The following ZNF280D variants were observed in gnomAD, a reference collection of about 807,000 sequenced individuals.
ZNF280D encodes the protein suppressor of hairy wing homolog 4.
In ZNF280D, 39 loss-of-function variants were observed where a neutral mutation model predicts 94.7. The ratio of observed to expected loss-of-function variants is 0.41; its 90% CI spans 0.32 to 0.54. The LOEUF (loss-of-function observed/expected upper bound fraction) is 0.54. Ranked by LOEUF, ZNF280D falls within the 20% of genes least tolerant of loss-of-function variation. ZNF280D has a pLI of 0.22. For missense variants in ZNF280D, 1,090 were observed against 1,149.3 expected (o/e 0.95, Z 0.75); for synonymous variants, 398 against 377.6 (o/e 1.05, Z -0.63).
At chr15:56,653,964 T>C in intron 19 of ZNF280D, 1 of 1,391,360 alleles carries the variant, frequency 7.2e-7, no homozygotes, top group East Asian at 2.7e-5. Context: ...GCTGCTCAAC[T>C]GCCTTTGTGT....
chr15:56,652,296 T>C (rs144349981), intron 19 of ZNF280D, among the ~76,000 whole-genome samples: 169 of 152,278 alleles, frequency 1.1e-3, no homozygotes, highest in African/African-American at 3.8e-3. Context: ...ATTTTGCTAG[T>C]CTTTAAAATT....
At chr15:56,719,330 T>TA (rs1242302063) in intron 1 of ZNF280D, among the ~76,000 whole-genome samples, 25 of 127,602 alleles carry the variant, frequency 2.0e-4, no homozygotes, top group African/African-American at 4.9e-4. Flanking sequence ...AATGGTTGTT[T>TA]AAAAAAAAAA....
chr15:56,666,925 C>T lies in ZNF280D; in HGVS notation c.1607G>A (p.Ser536Asn). The T allele has an allele frequency of 6.2e-7, 1 of 1,613,158 alleles. No homozygotes were observed. The highest frequency in any genetic ancestry group is 8.5e-7 in the Non-Finnish European group (1 of 1,179,540). Residue 536 changes from serine (S) to asparagine (N), a missense_variant, in exon 15 of 22, where the codon AGT becomes AAT. Transcript: ENST00000267807. ...QSGASPTPSI[S>N]ASASTLQLSP... ...GAGCTGAAGGGTAGAAGCACTTGCA[C>T]TAATGGAAGGTGTAGGTGAAGCTCC...
intron 9 of ZNF280D, among the ~76,000 whole-genome samples, chr15:56,687,824 A>G (rs972999278): frequency 2.0e-5 from 3 of 152,214 alleles, no homozygotes; most frequent in Non-Finnish European, 4.4e-5. Flanking sequence ...GAGTAAGGAC[A>G]GACCAAATAT....
intron 3 of ZNF280D, among the ~76,000 whole-genome samples, chr15:56,704,514 T>A (rs2057281878): frequency 6.6e-6 from 1 of 152,116 alleles, no homozygotes; most frequent in African/African-American, 2.4e-5. Context: ...GACAGAAAAT[T>A]TGGAAGTCAA....
intron 21 of ZNF280D, among the ~76,000 whole-genome samples, chr15:56,633,293 C>T (rs1339005154): frequency 2.0e-5 from 3 of 151,918 alleles, no homozygotes; most frequent in Admixed American, 6.6e-5. Flanking sequence ...ACTGATTTGT[C>T]TTTAGACTAT....
intron 13 of ZNF280D, among the ~76,000 whole-genome samples, chr15:56,672,610 G>A (rs982637523): frequency 6.6e-6 from 1 of 151,848 alleles, no homozygotes; most frequent in African/African-American, 2.4e-5. Flanking sequence ...TTGCATCGAG[G>A]TTCATCAAGG....
At chr15:56,645,081 G>C (rs1191482481) in intron 19 of ZNF280D, 1 of 152,084 alleles carries the variant, frequency 6.6e-6, no homozygotes, top group Non-Finnish European at 1.5e-5. Flanking sequence ...TATACTTTAA[G>C]ATTAATACTA....
At chr15:56,648,722 C>T (rs1050231604) in intron 19 of ZNF280D, among the ~76,000 whole-genome samples, 3 of 152,104 alleles carry the variant, frequency 2.0e-5, no homozygotes, top group Non-Finnish European at 4.4e-5. Context: ...ATGCAAAACA[C>T]TTAGAAAAGT....
At chr15:56,684,318 A>C (rs1402085158) in intron 9 of ZNF280D, among the ~76,000 whole-genome samples, 1 of 152,224 alleles carries the variant, frequency 6.6e-6, no homozygotes, top group Non-Finnish European at 1.5e-5. Context: ...CCATGTAATA[A>C]AAGAAGGCAA....
chr15:56,666,750 C>T lies in ZNF280D; in HGVS notation c.1782G>A (p.Met594Ile). The T allele has an allele frequency of 1.2e-6, 2 of 1,613,176 alleles. No homozygotes were observed. Among genetic ancestry groups the T allele is most frequent in the Non-Finnish European group, 1.7e-6 (2 of 1,179,650 alleles). The part of the protein sequence containing the change: ...KSKYKPKISN[M>I]QKKQSTLASS... ...TAGCCAATGTGCTTTGTTTCTTTTG[C>T]ATATTAGAGATTTTTGGTTTGTATT... Residue 594 changes from methionine to isoleucine, a missense_variant, in exon 15 of 22, where the codon ATG becomes ATA. By Grantham distance (10) the Met-to-Ile change is conservative (BLOSUM62 1). Coordinates refer to ENST00000267807, the MANE Select transcript of ZNF280D (RefSeq NM_017661.4).
At chr15:56,718,283 TC>T (rs1172826599) in intron 1 of ZNF280D, among the ~76,000 whole-genome samples, 1 of 152,082 alleles carries the variant, frequency 6.6e-6, no homozygotes, top group Non-Finnish European at 1.5e-5. Flanking sequence ...AGAACAAAAG[TC>T]TTGAGTTAAT....
intron 16 of ZNF280D, among the ~76,000 whole-genome samples, chr15:56,660,920 C>T (rs971266968): frequency 2.7e-5 from 4 of 149,820 alleles, no homozygotes. Context: ...GACTAGAGGC[C>T]GATGATACAA....
chr15:56,724,888 C>T (rs1257891095), intron 1 of ZNF280D: 3 of 451,966 alleles, frequency 6.6e-6, no homozygotes, highest in Non-Finnish European at 4.4e-6. Context: ...TTTTTTTTCT[C>T]ATGGAATGTA....
At chr15:56,708,211 A>G (rs1334520438) in intron 1 of ZNF280D, among the ~76,000 whole-genome samples, 1 of 152,208 alleles carries the variant, frequency 6.6e-6, no homozygotes, top group Non-Finnish European at 1.5e-5. Context: ...CTGAATTACT[A>G]CAAAGGAAAA....
chr15:56,733,375 C>T (rs1596746419), intron 1 of ZNF280D, 83 bp downstream of exon 1: 1 of 846,150 alleles, frequency 1.2e-6, no homozygotes, highest in Non-Finnish European at 1.4e-6. Context: ...AGTCCAGCGC[C>T]CCCGGAGTGA....
chr15:56,656,846 T>C (rs922805018), intron 17 of ZNF280D, among the ~76,000 whole-genome samples: 4 of 151,966 alleles, frequency 2.6e-5, no homozygotes, highest in Admixed American at 6.6e-5. Context: ...AAACAGGAGA[T>C]AGGGAATGCT....
chr15:56,728,920 G>C (rs1357182135), intron 1 of ZNF280D, among the ~76,000 whole-genome samples: 1 of 152,148 alleles, frequency 6.6e-6, no homozygotes, highest in Non-Finnish European at 1.5e-5. Context: ...ATTTGAGGTA[G>C]GCTAAGCCAA....
rs762404730 is a variant in ZNF280D at position 56,666,439 on chromosome 15, T to A, written c.1950A>T (p.Arg650Ser). 2.5e-6 allele frequency: 4 copies of A among 1,606,350 alleles called. No individual in the cohort carries two copies. In the South Asian group the frequency reaches 4.5e-5, roughly 18 times the overall value. Residue 650 changes from arginine to serine, a missense_variant, in exon 16 of 22, where the codon AGA becomes AGT. Around this residue, in one of 3 missense-constraint regions of ZNF280D, gnomAD observed 577 missense variants for 568.8 expected, o/e 1.01. Transcript: ENST00000267807. ...FPTYVHCSFCRYNTSCSKAYV... is the reference protein window; with the variant it reads ...FPTYVHCSFCSYNTSCSKAYV... ...AGGCTTTGCTACAGCTAGTGTTGTA[T>A]CTGCAAAAACTACAGTGGACGTACG...
Sources: gnomAD v4.1 joint callset for allele counts (sites outside exome capture counted in the v4.1 genomes callset) on GRCh38, gnomAD v4.1.1 for gene constraint, gnomAD v4.1.1 regional missense constraint, MANE v1.5 for transcripts, NCBI Gene and HGNC (gene_info 2026-07-23, HGNC 2026-07-21) for gene names.